Variants in BICDL1 observed in about 807,000 individuals in gnomAD.
The protein encoded by BICDL1 is BICD family-like cargo adapter 1.
BICDL1 carries 20 observed loss-of-function variants against 76.8 expected under a neutral mutation model. The ratio of observed to expected loss-of-function variants is 0.26; its 90% CI spans 0.18 to 0.38. The LOEUF (loss-of-function observed/expected upper bound fraction) is 0.38. BICDL1 is among the 10% of genes least tolerant of loss of function. The pLI, the probability that BICDL1 is intolerant of heterozygous loss-of-function variation, is 1.00. For missense variants in BICDL1, 700 were observed against 798.6 expected (o/e 0.88, Z 1.49); for synonymous variants, 383 against 337.1 (o/e 1.14, Z -1.49).
At chr12:120,080,709 A>T in intron 7 of BICDL1, 178 bp from the exon 8 acceptor site, 2 of 534,042 alleles carry the variant, frequency 3.7e-6, no homozygotes, top group Middle Eastern at 5.6e-4. Flanking sequence ...GTGATGTGGT[A>T]CCCTTTCTTC....
intron 2 of BICDL1, among the ~76,000 whole-genome samples, chr12:120,054,816 G>A (rs2138868354): frequency 6.6e-6 from 1 of 152,124 alleles, no homozygotes; most frequent in East Asian, 1.9e-4. Flanking sequence ...GGAGGCGGAG[G>A]TTGCAGTGAG....
At chr12:120,090,197 C>T in intron 9 of BICDL1, 126 bp downstream of exon 9, 2 of 1,124,432 alleles carry the variant, frequency 1.8e-6, no homozygotes, top group Non-Finnish European at 2.5e-6. Context: ...ACATCCCAGT[C>T]TTCACCTGGC....
intron 2 of BICDL1, among the ~76,000 whole-genome samples, chr12:120,040,751 C>CTTTTTTTTTTTTTTTT (rs57089775): frequency 7.4e-6 from 1 of 134,312 alleles, no homozygotes; most frequent in African/African-American, 3.1e-5. Flanking sequence ...ATAGGAAATA[C>CTTTTTTTTTTTTTTTT]TTTTTTTTTT....
In BICDL1 at chr12:120,072,705, C is replaced by T; in HGVS notation, c.1284C>T (p.Ser428=). Residue 428 remains serine, a synonymous_variant, in exon 6 of 10, where the codon AGC becomes AGT. Transcript: ENST00000548673. ...ATGAGCTCAAGAGACTGATACAGAGCATTGTGGATGGCATGGAGCCCACGG... is the reference window on the plus strand; with the variant it reads ...ATGAGCTCAAGAGACTGATACAGAGTATTGTGGATGGCATGGAGCCCACGG... The part of the protein sequence containing the change: ...ALNELKRLIQ[S]IVDGMEPTGS... The T allele has an allele frequency of 6.2e-7, 1 of 1,613,384 alleles. No homozygotes were observed. The highest frequency in any genetic ancestry group is 8.5e-7 in the Non-Finnish European group (1 of 1,179,974).
At chr12:120,060,574 A>G (rs1052583043) in intron 2 of BICDL1, among the ~76,000 whole-genome samples, 7 of 152,340 alleles carry the variant, frequency 4.6e-5, no homozygotes, top group Non-Finnish European at 8.8e-5. Flanking sequence ...GTTAGAGGGT[A>G]TTTAAATGAA....
chr12:120,072,367 TAAAA>T, intron 5 of BICDL1, 140 bp from the exon 6 acceptor site: 1 of 626,028 alleles, frequency 1.6e-6, no homozygotes, highest in Non-Finnish European at 2.7e-6. Context: ...ACAAATGAGT[TAAAA>T]AAAAAACACA....
At chr12:119,995,162 G>C (rs1951614525) in intron 1 of BICDL1, among the ~76,000 whole-genome samples, 1 of 152,172 alleles carries the variant, frequency 6.6e-6, no homozygotes, top group African/African-American at 2.4e-5. Flanking sequence ...AGCATAAGCA[G>C]AACTTGACCT....
At chr12:119,995,144 CGAA>C (rs1466980163) in intron 1 of BICDL1, among the ~76,000 whole-genome samples, 7 of 152,076 alleles carry the variant, frequency 4.6e-5, no homozygotes, top group Non-Finnish European at 8.8e-5. Flanking sequence ...CCCTGAGAAA[CGAA>C]GGAGAGCATA....
chr12:120,002,185 G>A (rs1951772552), intron 2 of BICDL1, among the ~76,000 whole-genome samples: 1 of 152,078 alleles, frequency 6.6e-6, no homozygotes, highest in Admixed American at 6.6e-5. Context: ...AACCTTATAA[G>A]GACGCCAACC....
chr12:120,091,426 C>T (rs1323361178), intron 9 of BICDL1: 11 of 1,009,026 alleles, frequency 1.1e-5, no homozygotes, highest in Non-Finnish European at 1.3e-5. Flanking sequence ...GACCCTTTAG[C>T]ATTCCTACAT....
At chr12:120,010,394 A>G (rs924181194) in intron 2 of BICDL1, among the ~76,000 whole-genome samples, 2 of 152,268 alleles carry the variant, frequency 1.3e-5, no homozygotes, top group Admixed American at 6.5e-5. Flanking sequence ...TATAAATTTT[A>G]TACATCTACA....
intron 2 of BICDL1, among the ~76,000 whole-genome samples, chr12:120,023,539 A>G: frequency 6.6e-6 from 1 of 152,244 alleles, no homozygotes; most frequent in East Asian, 1.9e-4. Context: ...CTGTAATCCC[A>G]GCACTTTGGG....
At chr12:119,995,112 A>C (rs1215791480) in intron 1 of BICDL1, among the ~76,000 whole-genome samples, 1 of 152,182 alleles carries the variant, frequency 6.6e-6, no homozygotes, top group African/African-American at 2.4e-5. Flanking sequence ...TTTTGATATT[A>C]ACTTTCTAAA....
intron 2 of BICDL1, among the ~76,000 whole-genome samples, chr12:120,031,262 G>A (rs1305691975): frequency 2.7e-5 from 4 of 148,268 alleles, no homozygotes; most frequent in African/African-American, 5.0e-5. Flanking sequence ...GGAGTGCAGT[G>A]GCACAATCTC....
intron 9 of BICDL1, chr12:120,091,358 T>TGAA: frequency 2.0e-6 from 2 of 1,006,628 alleles, no homozygotes; most frequent in Middle Eastern, 5.0e-4. Flanking sequence ...GTTAAAAAAA[T>TGAA]GAAGTTTTCA....
intron 1 of BICDL1, among the ~76,000 whole-genome samples, chr12:119,997,390 A>T (rs1055674749): frequency 4.6e-5 from 7 of 152,190 alleles, no homozygotes; most frequent in African/African-American, 1.7e-4. Flanking sequence ...AAAACTCCAT[A>T]CAGGCAAGGA....
chr12:120,076,938 G>A (rs1198321647), intron 7 of BICDL1, among the ~76,000 whole-genome samples: 2 of 152,266 alleles, frequency 1.3e-5, no homozygotes, highest in Admixed American at 1.3e-4. Flanking sequence ...AGAGGCACCA[G>A]ATGGATGTGC....
At chr12:120,072,260 C>T (rs1873167190) in intron 5 of BICDL1, among the ~76,000 whole-genome samples, 1 of 151,998 alleles carries the variant, frequency 6.6e-6, no homozygotes, top group South Asian at 2.1e-4. Context: ...TAAAGAAGTG[C>T]TTTATATTGT....
At chr12:120,006,564 G>A (rs546166285) in intron 2 of BICDL1, among the ~76,000 whole-genome samples, 3 of 152,346 alleles carry the variant, frequency 2.0e-5, no homozygotes, top group African/African-American at 7.2e-5. Context: ...AGTGGTAGCT[G>A]TAGAGACAAC....
Sources: allele counts gnomAD v4.1 joint callset (sites outside exome capture counted in the v4.1 genomes callset), GRCh38; gene constraint gnomAD v4.1.1; transcripts MANE v1.5; gene names NCBI Gene and HGNC (gene_info 2026-07-23, HGNC 2026-07-21).